Variants in RNGTT observed in about 807,000 individuals in gnomAD.
RNGTT encodes mRNA-capping enzyme.
Under a neutral mutation model 79.3 loss-of-function variants are expected in RNGTT, and 33 were observed. The observed-to-expected ratio is 0.42, with a 90% CI of 0.32 to 0.56. The LOEUF (loss-of-function observed/expected upper bound fraction) is 0.56. Among genes scored for constraint, RNGTT ranks in the 20% least tolerant of loss-of-function variants. RNGTT has a pLI of 0.17. For missense variants in RNGTT, 497 were observed against 739.1 expected (o/e 0.67, Z 3.80); for synonymous variants, 222 against 235.9 (o/e 0.94, Z 0.54).
At chr6:88,748,492 TTTTAA>T (rs1439026834) in intron 13 of RNGTT, among the ~76,000 whole-genome samples, 1 of 152,108 alleles carries the variant, frequency 6.6e-6, no homozygotes, top group Admixed American at 6.6e-5. Context: ...ACTTAAAATA[TTTTAA>T]TTTGTCACTC....
chr6:88,814,466 T>G (rs1390903971), intron 11 of RNGTT, among the ~76,000 whole-genome samples: 1 of 152,198 alleles, frequency 6.6e-6, no homozygotes, highest in Non-Finnish European at 1.5e-5. Flanking sequence ...CTTTTTTTCC[T>G]GGGAAAACTC....
At chr6:88,886,211 CAGG>C (rs1441027632) in intron 8 of RNGTT, among the ~76,000 whole-genome samples, 3 of 152,100 alleles carry the variant, frequency 2.0e-5, no homozygotes, top group African/African-American at 4.8e-5. Flanking sequence ...GAGGCTGAGG[CAGG>C]AGAATGGCGT....
At chr6:88,707,725 T>TAA (rs60313151) in intron 13 of RNGTT, among the ~76,000 whole-genome samples, 6,041 of 123,482 alleles carry the variant, frequency 0.049, 497 homozygotes, top group African/African-American at 0.17. Context: ...TCCCTAACAT[T>TAA]AAAAAAAAAA....
At chr6:88,917,191 C>T (rs1390293915) in intron 4 of RNGTT, among the ~76,000 whole-genome samples, 1 of 152,172 alleles carries the variant, frequency 6.6e-6, no homozygotes, top group Admixed American at 6.5e-5. Flanking sequence ...CACCACAAAA[C>T]ATGCTACTTT....
intron 8 of RNGTT, 89 bp from the exon 9 acceptor site, chr6:88,853,853 T>C: frequency 1.4e-6 from 1 of 726,132 alleles, no homozygotes; most frequent in Non-Finnish European, 2.2e-6. Flanking sequence ...TCCATAGACC[T>C]TAAACATCTG....
intron 11 of RNGTT, among the ~76,000 whole-genome samples, chr6:88,805,211 T>C (rs1052087770): frequency 6.6e-6 from 1 of 152,204 alleles, no homozygotes; most frequent in African/African-American, 2.4e-5. Flanking sequence ...AACTCATGTC[T>C]TCTTTGGTAG....
At chr6:88,620,794 A>G (rs138374890) in intron 14 of RNGTT, among the ~76,000 whole-genome samples, 1 of 152,344 alleles carries the variant, frequency 6.6e-6, no homozygotes, top group African/African-American at 2.4e-5. Context: ...GTTGGACACC[A>G]TAAAAATTAC....
intron 12 of RNGTT, among the ~76,000 whole-genome samples, chr6:88,782,004 T>C (rs1364471220): frequency 6.6e-6 from 1 of 151,974 alleles, no homozygotes; most frequent in Non-Finnish European, 1.5e-5. Context: ...CTGAAAATAA[T>C]ACAAGCTTCT....
At chr6:88,758,814 A>T (rs941490746) in intron 13 of RNGTT, among the ~76,000 whole-genome samples, 3 of 152,116 alleles carry the variant, frequency 2.0e-5, no homozygotes, top group Admixed American at 6.5e-5. Flanking sequence ...ATCTTATAAA[A>T]ATTTCCCTCC....
At chr6:88,906,172 TACACATAC>T (rs1003706930) in intron 5 of RNGTT, among the ~76,000 whole-genome samples, 185 bp downstream of exon 5, 3 of 151,890 alleles carry the variant, frequency 2.0e-5, no homozygotes, top group Non-Finnish European at 4.4e-5. Context: ...CATACATATA[TACACATAC>T]ACACATACAC....
intron 11 of RNGTT, among the ~76,000 whole-genome samples, chr6:88,815,643 G>T (rs1357079798): frequency 1.3e-5 from 2 of 152,186 alleles, no homozygotes; most frequent in Non-Finnish European, 2.9e-5. Flanking sequence ...CCATCAGCAG[G>T]AAAGCTTATG....
rs73752980 is a variant in RNGTT at position 88,627,281 on chromosome 6, A to G, written c.1507-12886T>C. On this transcript the variant is annotated intron_variant, in intron 14 of 15. Coordinates refer to ENST00000369485, the MANE Select transcript of RNGTT (RefSeq NM_003800.5). ...TGATTATTAAATATCCATGTTTAAC[A>G]AAGTTCACAATGTATTAGACCTAAT... Among the ~76,000 whole-genome samples, 314 of 152,302 alleles carry G rather than the reference A, an allele frequency of 2.1e-3. 1 individual carries two copies. The highest frequency in any genetic ancestry group is 7.0e-3 in the African/African-American group (289 of 41,582).
At chr6:88,816,893 G>A (rs992140904) in intron 11 of RNGTT, among the ~76,000 whole-genome samples, 1 of 152,030 alleles carries the variant, frequency 6.6e-6, no homozygotes, top group African/African-American at 2.4e-5. Context: ...GGGGACACAG[G>A]GGGCACACAG....
chr6:88,713,901 T>C (rs1172664862), intron 13 of RNGTT, among the ~76,000 whole-genome samples: 3 of 152,186 alleles, frequency 2.0e-5, no homozygotes, highest in Non-Finnish European at 4.4e-5. Flanking sequence ...TCTTCCCCCT[T>C]GCTCTCATTG....
intron 11 of RNGTT, among the ~76,000 whole-genome samples, chr6:88,838,844 T>C (rs1781168555): frequency 6.6e-6 from 1 of 152,216 alleles, no homozygotes; most frequent in Admixed American, 6.5e-5. Context: ...ATTAATACTA[T>C]CTGATTTCAA....
chr6:88,826,545 A>G (rs1380196324), intron 11 of RNGTT, among the ~76,000 whole-genome samples: 1 of 152,032 alleles, frequency 6.6e-6, no homozygotes, highest in African/African-American at 2.4e-5. Flanking sequence ...GCACTTTGGG[A>G]GGACAAGATG....
At chr6:88,805,886 ACT>A (rs1452469187) in intron 11 of RNGTT, among the ~76,000 whole-genome samples, 4 of 152,268 alleles carry the variant, frequency 2.6e-5, no homozygotes, top group South Asian at 4.1e-4. Flanking sequence ...ACCCTTTTAT[ACT>A]CTAGGCATTA....
At chr6:88,903,795 A>T (rs1783552446) in intron 6 of RNGTT, among the ~76,000 whole-genome samples, 1 of 152,220 alleles carries the variant, frequency 6.6e-6, no homozygotes, top group Non-Finnish European at 1.5e-5. Context: ...TCATTAACAC[A>T]ATTACCTCCA....
intron 2 of RNGTT, among the ~76,000 whole-genome samples, chr6:88,935,497 T>C (rs1444855816): frequency 2.0e-5 from 3 of 152,156 alleles, no homozygotes; most frequent in Non-Finnish European, 4.4e-5. Flanking sequence ...GAGAACTGCT[T>C]GAGCTCAGGA....
Sources: gnomAD v4.1 joint callset for allele counts (sites outside exome capture counted in the v4.1 genomes callset) on GRCh38, gnomAD v4.1.1 for gene constraint, MANE v1.5 for transcripts, NCBI Gene and HGNC (gene_info 2026-07-23, HGNC 2026-07-21) for gene names.